MARCHF1: variants seen among roughly 807,000 people sequenced by gnomAD.
MARCHF1 encodes the protein membrane associated ring-CH-type finger 1.
A neutral mutation model predicts 54.2 loss-of-function variants in MARCHF1; 40 were observed. That is an observed-to-expected ratio of 0.74 (90% CI 0.57 to 0.96). The LOEUF (loss-of-function observed/expected upper bound fraction) is 0.96. Ranked by LOEUF, MARCHF1 falls within the 40% of genes least tolerant of loss-of-function variation. The pLI, the probability that MARCHF1 is intolerant of heterozygous loss-of-function variation, is 0.00. For synonymous variants in MARCHF1, 236 were observed against 236.3 expected (o/e 1.00, Z 0.01); for missense variants, 586 against 656.5 (o/e 0.89, Z 1.17).
At chr4:164,111,121 T>C (rs1314593075) in intron 2 of MARCHF1, among the ~76,000 whole-genome samples, 5 of 151,848 alleles carry the variant, frequency 3.3e-5, no homozygotes, top group African/African-American at 9.7e-5. Context: ...ATGATGAATA[T>C]GATAATCCTT....
chr4:164,012,888 C>A (rs1442700914), intron 2 of MARCHF1, among the ~76,000 whole-genome samples: 1 of 152,116 alleles, frequency 6.6e-6, no homozygotes, highest in East Asian at 1.9e-4. Context: ...AATACTCACT[C>A]CCCTTGGAAT....
intron 3 of MARCHF1, among the ~76,000 whole-genome samples, chr4:163,914,553 C>A (rs1268404959): frequency 6.6e-6 from 1 of 151,876 alleles, no homozygotes; most frequent in African/African-American, 2.4e-5. Context: ...TGTTTAAACA[C>A]AATAAAAGTA....
At chr4:164,147,000 A>G (rs1432951447) in intron 1 of MARCHF1, among the ~76,000 whole-genome samples, 1 of 151,742 alleles carries the variant, frequency 6.6e-6, no homozygotes, top group Non-Finnish European at 1.5e-5. Context: ...AACCCCCTCA[A>G]AAAGTGGGCA....
Position 163,841,024 on chromosome 4 carries a change from A to T in MARCHF1, c.111+12997T>A, listed in dbSNP as rs893041404. On this transcript the variant is annotated intron_variant, in intron 4 of 9. Transcript: ENST00000514618. ...TTTACCTTTGTATAGCAAACTCAAC[A>T]TATTATAGTAATTCAAAGATTAGCA... is the stretch of plus-strand genomic sequence containing the variant. Among the ~76,000 whole-genome samples, 5 of 152,232 alleles carry T rather than the reference A, an allele frequency of 3.3e-5. No individual in the cohort carries two copies. The South Asian group carries it at 1.0e-3, about 32-fold the overall frequency.
chr4:163,916,474 C>T (rs760245271), intron 3 of MARCHF1, among the ~76,000 whole-genome samples: 2 of 94,086 alleles, frequency 2.1e-5, no homozygotes, highest in Non-Finnish European at 4.0e-5. Context: ...GGGAAAGGCA[C>T]AAGTAGAAAG....
chr4:163,869,104 C>T (rs940946695), intron 3 of MARCHF1, among the ~76,000 whole-genome samples: 4 of 151,714 alleles, frequency 2.6e-5, no homozygotes, highest in African/African-American at 9.7e-5. Context: ...ACATGCTCTC[C>T]CCCAAAAACC....
chr4:163,901,710 ATTG>A (rs1417550509), intron 3 of MARCHF1, among the ~76,000 whole-genome samples: 1 of 152,194 alleles, frequency 6.6e-6, no homozygotes, highest in Non-Finnish European at 1.5e-5. Flanking sequence ...CAGTAGAGCA[ATTG>A]TTGTGTTCTA....
chr4:163,703,906 C>A (rs1744876760), intron 4 of MARCHF1, among the ~76,000 whole-genome samples: 1 of 151,494 alleles, frequency 6.6e-6, no homozygotes, highest in Non-Finnish European at 1.5e-5. Context: ...AAATGATTAC[C>A]AAATGAGAAA....
intron 3 of MARCHF1, among the ~76,000 whole-genome samples, chr4:163,892,691 A>G (rs962936181): frequency 1.3e-5 from 2 of 152,092 alleles, no homozygotes; most frequent in African/African-American, 2.4e-5. Flanking sequence ...CAATTTATGT[A>G]TTTATGTTTG....
In MARCHF1 at chr4:164,096,151, A is replaced by T. The variant is rs143703457; in HGVS notation, c.-248+15437T>A. 8.6e-3 allele frequency among the ~76,000 whole-genome samples: 1,307 copies of T among 152,306 alleles called. 23 individuals are homozygous for T. The highest frequency in any genetic ancestry group is 0.03 in the African/African-American group (1,243 of 41,566). On this transcript the variant is annotated intron_variant, in intron 2 of 9. Coordinates refer to ENST00000514618, the MANE Select transcript of MARCHF1 (RefSeq NM_001394959.1). ...TGCAGCACTATTCACAATAGCGAAG[A>T]CATGGAATCATCAATTGGTGCCCAT...
intron 5 of MARCHF1, among the ~76,000 whole-genome samples, chr4:163,693,382 T>G (rs1308176838): frequency 6.6e-6 from 1 of 151,420 alleles, no homozygotes; most frequent in Non-Finnish European, 1.5e-5. Flanking sequence ...ATAAACCACA[T>G]TTTGGAATGA....
At chr4:163,754,205 A>T (rs144662184) in intron 4 of MARCHF1, among the ~76,000 whole-genome samples, 11 of 152,324 alleles carry the variant, frequency 7.2e-5, no homozygotes, top group Admixed American at 2.0e-4. Context: ...CTCTTGGTTC[A>T]AGCCGAGCAA....
At chr4:163,566,703 G>A (rs574576666) in intron 8 of MARCHF1, among the ~76,000 whole-genome samples, 60 of 152,278 alleles carry the variant, frequency 3.9e-4, no homozygotes, top group South Asian at 2.3e-3. Flanking sequence ...ACCAGTGGAT[G>A]AATGAAAGCC....
chr4:163,905,293 C>T (rs77410053), intron 3 of MARCHF1, among the ~76,000 whole-genome samples: 11 of 152,058 alleles, frequency 7.2e-5, no homozygotes, highest in South Asian at 2.1e-4. Flanking sequence ...AAATACTTAT[C>T]GAGTGCCCAA....
chr4:164,194,779 T>C (rs1731209490), intron 1 of MARCHF1, among the ~76,000 whole-genome samples: 1 of 152,180 alleles, frequency 6.6e-6, no homozygotes, highest in African/African-American at 2.4e-5. Context: ...TTATACTAAT[T>C]AAATAATAAG....
intron 1 of MARCHF1, among the ~76,000 whole-genome samples, chr4:164,289,921 C>T (rs957349903): frequency 2.0e-5 from 3 of 151,862 alleles, no homozygotes; most frequent in African/African-American, 7.2e-5. Context: ...TACACTTCAG[C>T]CATGTCTGTT....
chr4:164,150,488 G>T (rs1370005744), intron 1 of MARCHF1, among the ~76,000 whole-genome samples: 3 of 152,110 alleles, frequency 2.0e-5, no homozygotes, highest in Admixed American at 2.0e-4. Context: ...TAAAAAAGCA[G>T]CAAAGTCTAA....
intron 3 of MARCHF1, among the ~76,000 whole-genome samples, chr4:163,903,770 G>T (rs1000450286): frequency 2.0e-5 from 3 of 151,642 alleles, no homozygotes; most frequent in Admixed American, 1.3e-4. Flanking sequence ...GCACCACCAC[G>T]CCAGCTAATT....
At chr4:164,376,584 C>T (rs548672443) in intron 1 of MARCHF1, among the ~76,000 whole-genome samples, 2 of 152,042 alleles carry the variant, frequency 1.3e-5, no homozygotes, top group African/African-American at 4.8e-5. Flanking sequence ...CTTCCATGGC[C>T]GGTTGAGGCT....
Sources: allele counts gnomAD v4.1 joint callset (sites outside exome capture counted in the v4.1 genomes callset), GRCh38; gene constraint gnomAD v4.1.1; transcripts MANE v1.5; gene names NCBI Gene and HGNC (gene_info 2026-07-23, HGNC 2026-07-21).